GAS7: variants seen among roughly 807,000 people sequenced by gnomAD.
GAS7 encodes the protein growth arrest specific 7, also known as growth arrest-specific protein 7.
Under a neutral mutation model 71.1 loss-of-function variants are expected in GAS7, and 28 were observed. The ratio of observed to expected loss-of-function variants is 0.39; its 90% confidence interval spans 0.29 to 0.54. The LOEUF (loss-of-function observed/expected upper bound fraction) is 0.54, where lower values mean the gene tolerates loss of function less well. GAS7 is among the 20% of genes least tolerant of loss of function. The pLI is 0.62. For missense variants in GAS7, 436 were observed against 627.8 expected, an observed-to-expected ratio of 0.69 and a Z score of 3.27; for synonymous variants, 258 against 245.8, an observed-to-expected ratio of 1.05 and a Z score of -0.46.
At position 10,148,550 on chromosome 17, in the gene GAS7, G is replaced by A. The variant is rs112631182; in HGVS notation, c.183+49658C>T. Among the ~76,000 whole-genome samples, 461 of 151,064 alleles carry A rather than the reference G, an allele frequency of 3.1e-3. 3 individuals carry two copies. The highest frequency in any genetic ancestry group is 0.01 in the Middle Eastern group (3 of 292). On this transcript the variant is annotated intron_variant, in intron 1 of 13. Coordinates refer to ENST00000432992, the MANE Select transcript of GAS7 (RefSeq NM_201433.2). ...GGAGAATTACTCGAACCCGGGAGGC[G>A]GAGGTTGCAGTGAGCCAAGATTGCA...
chr17:10,019,977 A>C, intron 1 of GAS7, 80 bp from the exon 2 acceptor site: 1 of 1,357,832 alleles, frequency 7.4e-7, no homozygotes, highest in Non-Finnish European at 1.0e-6. Context: ...AAGGCTGATG[A>C]ATTCACCCTA....
intron 2 of GAS7, among the ~76,000 whole-genome samples, chr17:9,991,624 C>A (rs2070846753): frequency 6.6e-6 from 1 of 152,062 alleles, no homozygotes; most frequent in African/African-American, 2.4e-5. Context: ...CTGCCTGGAG[C>A]TGTCCAAGCC....
intron 1 of GAS7, among the ~76,000 whole-genome samples, chr17:10,073,750 T>C (rs1408903469): frequency 6.6e-6 from 1 of 152,214 alleles, no homozygotes; most frequent in Non-Finnish European, 1.5e-5. Flanking sequence ...ACACGGGCGC[T>C]TGAGGAATTT....
chr17:9,985,668 C>T (rs1036116128), intron 2 of GAS7, among the ~76,000 whole-genome samples: 3 of 152,234 alleles, frequency 2.0e-5, no homozygotes, highest in South Asian at 2.1e-4. Flanking sequence ...CTCAGGGAAC[C>T]GCCCTTAGCC....
At position 10,103,185 on chromosome 17, in the gene GAS7, T is replaced by C. The variant is rs552646743; in HGVS notation, c.184-83288A>G. On this transcript the variant is annotated intron_variant, in intron 1 of 13. Coordinates refer to ENST00000432992, the MANE Select transcript of GAS7 (RefSeq NM_201433.2). The surrounding 1 kb of genome is among the most constrained non-coding windows in gnomAD (Gnocchi z 5.5). ...CTGGGCAATATGGCAAAACCCCTCC[T>C]CTAAAAAAATTAGCCAGGCGTGGTG... 2.6e-4 allele frequency among the ~76,000 whole-genome samples: 39 copies of C among 151,806 alleles called. No individual in the cohort carries two copies. Among genetic ancestry groups the C allele is most frequent in the African/African-American group, 8.7e-4 (36 of 41,472 alleles).
chr17:9,992,818 T>C (rs1471614464), intron 2 of GAS7, among the ~76,000 whole-genome samples: 17 of 145,136 alleles, frequency 1.2e-4, no homozygotes, highest in Non-Finnish European at 1.9e-4. Context: ...TGTGTTCTCA[T>C]TGTTCAATTC....
At chr17:10,146,750 C>T (rs978612235) in intron 1 of GAS7, among the ~76,000 whole-genome samples, 3 of 151,878 alleles carry the variant, frequency 2.0e-5, no homozygotes, top group Admixed American at 6.6e-5. Context: ...TTTGGGAGGC[C>T]GAGGCGGGCG....
At chr17:9,989,116 T>G (rs1328376939) in intron 2 of GAS7, among the ~76,000 whole-genome samples, 3 of 152,168 alleles carry the variant, frequency 2.0e-5, no homozygotes, top group African/African-American at 7.2e-5. Context: ...CCCAAAGTGC[T>G]GGGACTACGC....
intron 5 of GAS7, among the ~76,000 whole-genome samples, chr17:9,949,463 G>A (rs562594861): frequency 5.8e-4 from 89 of 152,300 alleles, no homozygotes; most frequent in African/African-American, 1.9e-3. Context: ...TGGACCTCCC[G>A]TTGTGACCTC....
chr17:10,047,623 T>C (rs1020406280), intron 1 of GAS7, among the ~76,000 whole-genome samples: 3 of 151,916 alleles, frequency 2.0e-5, no homozygotes, highest in Non-Finnish European at 4.4e-5. Flanking sequence ...CAGGAAACTG[T>C]CAGAATGTAA....
intron 1 of GAS7, among the ~76,000 whole-genome samples, chr17:10,121,151 A>C (rs549009501): frequency 1.3e-5 from 2 of 152,226 alleles, no homozygotes; most frequent in East Asian, 3.9e-4. Context: ...GAGGCCGAGG[A>C]GGGTGGATCA....
intron 5 of GAS7, among the ~76,000 whole-genome samples, chr17:9,958,383 G>A (rs1403791627): frequency 1.3e-5 from 2 of 152,216 alleles, no homozygotes. Flanking sequence ...AAAGCAGGAT[G>A]TGCAGCCTGG....
At chr17:9,931,277 G>T (rs2068198726) in intron 9 of GAS7, among the ~76,000 whole-genome samples, 1 of 152,156 alleles carries the variant, frequency 6.6e-6, no homozygotes, top group Non-Finnish European at 1.5e-5. Flanking sequence ...TGACGGCAAT[G>T]AGTTATATCC....
rs182711424 is a variant in GAS7, at chr17:10,056,560, G to A, written c.184-36663C>T. 9.0e-4 allele frequency among the ~76,000 whole-genome samples: 136 copies of A among 151,778 alleles called. 1 individual carries two copies. Among genetic ancestry groups the A allele is most frequent in the African/African-American group, 2.8e-3 (116 of 41,404 alleles). ...AAAAAAGAACAAGGTCTCAGTCTTC[G>A]GCTCCAACACTTAAAATATCCGTCA... On this transcript the variant is annotated intron_variant, in intron 1 of 13. Coordinates refer to ENST00000432992, the MANE Select transcript of GAS7 (RefSeq NM_201433.2).
chr17:10,126,365 T>TGCACACACACGCACACACAC (rs150697477), intron 1 of GAS7, among the ~76,000 whole-genome samples: 1 of 138,660 alleles, frequency 7.2e-6, no homozygotes, highest in Non-Finnish European at 1.6e-5. Flanking sequence ...CACACACTCT[T>TGCACACACACGCACACACAC]GCACACACAC....
intron 2 of GAS7, among the ~76,000 whole-genome samples, chr17:9,989,646 G>A (rs1038121988): frequency 6.6e-6 from 1 of 152,126 alleles, no homozygotes; most frequent in Non-Finnish European, 1.5e-5. Context: ...ACACTAAGGA[G>A]AATAAAGCAA....
chr17:9,944,084 T>G (rs1247201390), intron 6 of GAS7, among the ~76,000 whole-genome samples: 3 of 152,230 alleles, frequency 2.0e-5, no homozygotes, highest in Non-Finnish European at 4.4e-5. Flanking sequence ...CAAACAAATA[T>G]TCTTAAAATT....
intron 5 of GAS7, among the ~76,000 whole-genome samples, chr17:9,954,469 G>A (rs866919653): frequency 2.7e-4 from 3 of 11,308 alleles, no homozygotes; most frequent in Non-Finnish European, 5.2e-4. Context: ...CAGTGATGGG[G>A]GATGGGGGGT....
chr17:10,050,376 G>A (rs2073045989), intron 1 of GAS7, among the ~76,000 whole-genome samples: 1 of 152,166 alleles, frequency 6.6e-6, no homozygotes, highest in Non-Finnish European at 1.5e-5. Context: ...AGGCACCTTA[G>A]TAATCATCTG....
Sources: gnomAD v4.1 joint callset for allele counts (sites outside exome capture counted in the v4.1 genomes callset) on GRCh38, gnomAD v4.1.1 for gene constraint, Gnocchi (gnomAD v3.1) non-coding constraint, MANE v1.5 for transcripts, NCBI Gene and HGNC (gene_info 2026-07-23, HGNC 2026-07-21) for gene names.